The following ATXN7L1 variants were observed in gnomAD, a reference collection of about 807,000 sequenced individuals.
The protein encoded by ATXN7L1 is ataxin 7 like 1, also known as ataxin-7-like protein 1.
A neutral mutation model predicts 70.8 loss-of-function variants in ATXN7L1; 15 were observed. That is an observed-to-expected ratio of 0.21 (90% CI 0.14 to 0.33). The LOEUF is 0.33. ATXN7L1 is among the 10% of genes least tolerant of loss of function. The pLI, the probability that ATXN7L1 is intolerant of heterozygous loss-of-function variation, is 1.00. For missense variants in ATXN7L1, 975 were observed against 1,097.1 expected (o/e 0.89, Z 1.57); for synonymous variants, 440 against 445.1 (o/e 0.99, Z 0.14).
chr7:105,709,282 C>T (rs1034869311), intron 3 of ATXN7L1, among the ~76,000 whole-genome samples: 25 of 152,040 alleles, frequency 1.6e-4, no homozygotes, highest in African/African-American at 5.3e-4. Context: ...TGCAGTGAGC[C>T]GAGATAGTGC....
intron 9 of ATXN7L1, among the ~76,000 whole-genome samples, chr7:105,616,351 CT>C (rs1793891883): frequency 6.6e-6 from 1 of 152,214 alleles, no homozygotes; most frequent in Non-Finnish European, 1.5e-5. Context: ...CCTAGCGTTC[CT>C]CTCTGAAGAT....
At chr7:105,825,646 C>T (rs1810767304) in intron 2 of ATXN7L1, among the ~76,000 whole-genome samples, 2 of 135,096 alleles carry the variant, frequency 1.5e-5, no homozygotes, top group African/African-American at 5.5e-5. Flanking sequence ...GAAATAAATA[C>T]TCCTTGGCTC....
At chr7:105,632,915 T>C (rs1348298769) in intron 7 of ATXN7L1, among the ~76,000 whole-genome samples, 1 of 121,394 alleles carries the variant, frequency 8.2e-6, no homozygotes, top group African/African-American at 3.1e-5. Context: ...AATGTAATCT[T>C]GTCTTTAAAA....
intron 2 of ATXN7L1, among the ~76,000 whole-genome samples, chr7:105,869,060 T>C (rs1817877467): frequency 6.6e-6 from 1 of 152,200 alleles, no homozygotes; most frequent in South Asian, 2.1e-4. Flanking sequence ...TGTGTTGTGT[T>C]GGTTGTGGCA....
In ATXN7L1 at chr7:105,614,744, G is replaced by C. The variant is rs759625318; in HGVS notation, c.1590C>G (p.Ser530=). ...TGGGGTTGCTGAAAGGCTGCAAAAC[G>C]GATGCTGGAACGGGGGTGGTGATGT... The part of the protein sequence containing the change: ...AAHITTPVPA[S]VLQPFSNPSA... The change falls in exon 10 of 12, where the codon TCC becomes TCG. Residue 530 remains serine, a synonymous_variant. Transcript: ENST00000419735. The surrounding 1 kb of genome is among the most constrained non-coding windows in gnomAD (Gnocchi z 4.3). 2.6e-6 allele frequency: 4 copies of C among 1,551,644 alleles called. No homozygotes were observed. Among genetic ancestry groups the C allele is most frequent in the African/African-American group, 2.7e-5 (2 of 73,024 alleles).
chr7:105,733,866 CCATCCATCCATCCATCATCCAT>C, intron 3 of ATXN7L1, among the ~76,000 whole-genome samples: 1 of 144,906 alleles, frequency 6.9e-6, no homozygotes, highest in Non-Finnish European at 1.5e-5. Context: ...ATCCATCCAT[CCATCCATCCATCCATCATCCAT>C]CATCCATCCA....
chr7:105,743,130 T>C (rs1798199927), intron 3 of ATXN7L1, among the ~76,000 whole-genome samples: 1 of 152,166 alleles, frequency 6.6e-6, no homozygotes. Context: ...CTGTAATTGA[T>C]TTATATTTTG....
chr7:105,774,902 G>A (rs1308123007), intron 3 of ATXN7L1, among the ~76,000 whole-genome samples: 1 of 151,868 alleles, frequency 6.6e-6, no homozygotes, highest in Non-Finnish European at 1.5e-5. Flanking sequence ...AATTCAGGGG[G>A]AGAAAAGCAA....
chr7:105,619,139 A>ATTTTTTTTTTTTTTTTTTTTTT (rs1794365463), intron 9 of ATXN7L1, among the ~76,000 whole-genome samples: 1 of 23,590 alleles, frequency 4.2e-5, no homozygotes, highest in South Asian at 1.6e-3. Flanking sequence ...TGAAATCTTT[A>ATTTTTTTTTTTTTTTTTTTTTT]GTTTTTTTTT....
chr7:105,753,678 C>G (rs373373912), intron 3 of ATXN7L1, among the ~76,000 whole-genome samples: 52 of 152,326 alleles, frequency 3.4e-4, no homozygotes, highest in African/African-American at 1.3e-3. Flanking sequence ...ATTCTACACT[C>G]TGGAAATAAG....
rs1264132846 is a variant in ATXN7L1 at position 105,614,140 on chromosome 7, G to T, written c.2194C>A (p.Gln732Lys). Residue 732 changes from glutamine (Q) to lysine (K), a missense_variant, in exon 10 of 12, where the codon CAG becomes AAG. Around this residue, in one of 5 missense-constraint regions of ATXN7L1, gnomAD observed 635 missense variants for 699.4 expected, o/e 0.91. Coordinates refer to ENST00000419735, the MANE Select transcript of ATXN7L1 (RefSeq NM_020725.2). The surrounding 1 kb of genome is among the most constrained non-coding windows in gnomAD (Gnocchi z 4.3). Reference protein sequence around the residue: ...LPGGPADIVRQVGAVGGSSDS... With the variant: ...LPGGPADIVRKVGAVGGSSDS... Reference sequence around the variant, plus strand: ...CTGCTGCCTCCCACCGCGCCCACCTGTCTCACTATGTCCGCGGGGCCGCCG... The same window carrying T: ...CTGCTGCCTCCCACCGCGCCCACCTTTCTCACTATGTCCGCGGGGCCGCCG... The T allele has an allele frequency of 1.3e-6, 2 of 1,551,662 alleles. No individual in the cohort carries two copies. The highest frequency in any genetic ancestry group is 3.9e-5 in the Admixed American group (2 of 51,010).
intron 3 of ATXN7L1, among the ~76,000 whole-genome samples, chr7:105,737,011 GATCT>G: frequency 6.6e-6 from 1 of 152,296 alleles, no homozygotes; most frequent in Admixed American, 6.5e-5. Context: ...AATAACAAAG[GATCT>G]ATCTGGTTTT....
intron 7 of ATXN7L1, among the ~76,000 whole-genome samples, chr7:105,631,887 G>A (rs187853463): frequency 6.6e-6 from 1 of 152,232 alleles, no homozygotes; most frequent in Non-Finnish European, 1.5e-5. Context: ...CACAGGGCTG[G>A]ACACAGTGGA....
rs1795348894 is a variant in ATXN7L1, at chr7:105,624,285, G to A, written c.1203-18C>T. ...ATGATGGTCTAAGGGCAAGAGCGGAGAACAAACAAAATAAACCAAATGAAC... is the reference window on the plus strand; with the variant it reads ...ATGATGGTCTAAGGGCAAGAGCGGAAAACAAACAAAATAAACCAAATGAAC... On this transcript the variant is annotated intron_variant, in intron 7 of 11. Transcript: ENST00000419735. The A allele has an allele frequency of 3.7e-6, 5 of 1,354,508 alleles. No homozygotes were observed. In the South Asian group the frequency reaches 9.3e-5, roughly 25 times the overall value. The allele number at this position is 1,354,508 out of a possible 1,614,324, so 83.9% of individuals were successfully genotyped here.
intron 4 of ATXN7L1, among the ~76,000 whole-genome samples, chr7:105,662,077 TCCTTC>T (rs1562967689): frequency 2.2e-4 from 20 of 91,322 alleles, no homozygotes; most frequent in South Asian, 2.2e-3. Context: ...CTTCCTTCCT[TCCTTC>T]TTTCTTTTCT....
chr7:105,802,787 A>G (rs1380870307), intron 2 of ATXN7L1, among the ~76,000 whole-genome samples: 2 of 152,170 alleles, frequency 1.3e-5, no homozygotes, highest in East Asian at 1.9e-4. Flanking sequence ...CACCCTGCAC[A>G]GCAGCCTGGC....
At chr7:105,863,893 G>A (rs1275855595) in intron 2 of ATXN7L1, among the ~76,000 whole-genome samples, 3 of 149,056 alleles carry the variant, frequency 2.0e-5, no homozygotes, top group Non-Finnish European at 3.0e-5. Context: ...ACATAAGTTG[G>A]GCTGTGTTTA....
chr7:105,856,598 A>C (rs1639671386), intron 2 of ATXN7L1, among the ~76,000 whole-genome samples: 1 of 151,890 alleles, frequency 6.6e-6, no homozygotes, highest in East Asian at 1.9e-4. Context: ...AAAAAAAAAA[A>C]AAAAAGAATT....
chr7:105,796,367 A>T lies in ATXN7L1; in HGVS notation c.251-7659T>A, dbSNP rs1481871125. ...CACAGCAAGACTCTGTCTCAAAAAT[A>T]AATAAATAAATTAATTAATTAAGTC... is the stretch of plus-strand genomic sequence containing the variant. On this transcript the variant is annotated intron_variant, in intron 2 of 11. Transcript: ENST00000419735. Among the ~76,000 whole-genome samples, 4 of 152,074 alleles carry T rather than the reference A, an allele frequency of 2.6e-5. No homozygotes were observed. In the East Asian group the frequency reaches 5.8e-4, roughly 22 times the overall value.
Sources: gnomAD v4.1 joint callset for allele counts (sites outside exome capture counted in the v4.1 genomes callset) on GRCh38, gnomAD v4.1.1 for gene constraint, gnomAD v4.1.1 regional missense constraint, Gnocchi (gnomAD v3.1) non-coding constraint, MANE v1.5 for transcripts, NCBI Gene and HGNC (gene_info 2026-07-23, HGNC 2026-07-21) for gene names.